The following RNF111 variants were observed in gnomAD, a reference collection of about 807,000 sequenced individuals.
RNF111 encodes the protein ring finger protein 111.
In RNF111, 17 loss-of-function variants were observed where a neutral mutation model predicts 95.1. The observed-to-expected ratio is 0.18, with a 90% confidence interval of 0.12 to 0.27. The LOEUF (loss-of-function observed/expected upper bound fraction) is 0.27, where lower values mean the gene tolerates loss of function less well. RNF111 is among the 10% of genes least tolerant of loss of function. The pLI is 1.00. For missense variants in RNF111, 1,189 were observed against 1,210.4 expected (o/e 0.98, Z 0.26); for synonymous variants, 440 against 414.8 (o/e 1.06, Z -0.74).
intron 2 of RNF111, among the ~76,000 whole-genome samples, chr15:59,037,943 A>G (rs1169366651): frequency 6.6e-6 from 1 of 152,238 alleles, no homozygotes; most frequent in East Asian, 1.9e-4. Flanking sequence ...CCATTTTACC[A>G]CTGAGGAGAA....
intron 5 of RNF111, among the ~76,000 whole-genome samples, chr15:59,059,235 A>G (rs1208749915): frequency 6.6e-6 from 1 of 152,254 alleles, no homozygotes; most frequent in East Asian, 1.9e-4. Flanking sequence ...AGTTATGCAA[A>G]TGACCAAGAA....
chr15:59,039,441 C>G (rs571563905), intron 2 of RNF111, among the ~76,000 whole-genome samples: 5 of 152,292 alleles, frequency 3.3e-5, no homozygotes, highest in African/African-American at 1.2e-4. Flanking sequence ...CTTAGTTGTT[C>G]TAGCAGCATC....
At chr15:59,038,416 C>T (rs1356269471) in intron 2 of RNF111, among the ~76,000 whole-genome samples, 1 of 152,088 alleles carries the variant, frequency 6.6e-6, no homozygotes, top group African/African-American at 2.4e-5. Context: ...ATTGTAGAGT[C>T]CCAGGATCAG....
chr15:59,033,453 A>G (rs2041016191), intron 2 of RNF111, among the ~76,000 whole-genome samples: 1 of 152,230 alleles, frequency 6.6e-6, no homozygotes, highest in Admixed American at 6.5e-5. Flanking sequence ...AGAGGAGTGT[A>G]GAATAACCAT....
chr15:59,007,398 T>G lies in RNF111; in HGVS notation c.-20+19330T>G, dbSNP rs562161584. On this transcript the variant is annotated intron_variant, in intron 1 of 13. Transcript: ENST00000348370. ...TGAGATTAATCCGTATTGATACATG[T>G]ATCAGTAGTTCCTTCTTTGTTGTTG... 3.4e-3 allele frequency among the ~76,000 whole-genome samples: 525 copies of G among 152,330 alleles called. 5 individuals are homozygous for G. Among genetic ancestry groups the G allele is most frequent in the Non-Finnish European group, 5.4e-3 (369 of 68,024 alleles).
intron 1 of RNF111, among the ~76,000 whole-genome samples, chr15:59,025,952 A>G (rs563459340): frequency 2.6e-5 from 4 of 151,078 alleles, no homozygotes; most frequent in African/African-American, 9.7e-5. Context: ...CTGGTCTCGA[A>G]CTCCCAACCT....
At chr15:59,046,694 A>G (rs2041726275) in intron 2 of RNF111, among the ~76,000 whole-genome samples, 1 of 152,210 alleles carries the variant, frequency 6.6e-6, no homozygotes, top group South Asian at 2.1e-4. Flanking sequence ...TGTCACCAAA[A>G]TCACAATCCA....
In RNF111 at chr15:59,031,008, T is replaced by A. The variant is rs749919129; in HGVS notation, c.186T>A (p.Asn62Lys). 5 of 1,614,222 alleles carry A rather than the reference T, an allele frequency of 3.1e-6. No homozygotes were observed. The Admixed American group carries it at 8.3e-5, about 27-fold the overall frequency. ...GVEMINSKVGNEFSHLCDDSQ... is the reference protein window; with the variant it reads ...GVEMINSKVGKEFSHLCDDSQ... ...AGATGATTAATAGTAAAGTGGGGAA[T>A]GAATTCTCTCACCTGTGTGATGATT... Residue 62 changes from asparagine (N) to lysine (K), a missense_variant, in exon 2 of 14, where the codon AAT becomes AAA. This residue lies in a region of RNF111 where 1,024 missense variants were observed against 925.9 expected (regional missense o/e 1.11). Transcript: ENST00000348370.
intron 2 of RNF111, among the ~76,000 whole-genome samples, chr15:59,039,065 A>G (rs985965531): frequency 1.3e-5 from 2 of 152,116 alleles, no homozygotes; most frequent in Admixed American, 6.6e-5. Flanking sequence ...CCCGTGTTCA[A>G]GTGATTCTCC....
chr15:58,998,172 G>T (rs1338131553), intron 1 of RNF111, among the ~76,000 whole-genome samples: 2 of 151,908 alleles, frequency 1.3e-5, no homozygotes, highest in African/African-American at 4.8e-5. Context: ...CAAAGTGCTG[G>T]GATTACAGGC....
At chr15:59,073,729 A>G (rs969948952) in intron 6 of RNF111, among the ~76,000 whole-genome samples, 11 of 152,196 alleles carry the variant, frequency 7.2e-5, no homozygotes, top group African/African-American at 1.7e-4. Context: ...ACTGCCTTCC[A>G]TGAACCACAA....
rs1286534242 is a variant in RNF111, at chr15:59,038,171, C to G, written c.880+6469C>G. 3.9e-5 allele frequency among the ~76,000 whole-genome samples: 6 copies of G among 152,268 alleles called. No individual in the cohort carries two copies. In the South Asian group the frequency reaches 1.0e-3, roughly 26 times the overall value. ...GCTAGAACCATTTTTTAAGTCATCACAATTTTTGAGAGCATAGGATCCTCA... is the reference window on the plus strand; with the variant it reads ...GCTAGAACCATTTTTTAAGTCATCAGAATTTTTGAGAGCATAGGATCCTCA... On this transcript the variant is annotated intron_variant, in intron 2 of 13. Transcript: ENST00000348370.
chr15:59,016,455 A>T (rs1005873771), intron 1 of RNF111, among the ~76,000 whole-genome samples: 1 of 152,122 alleles, frequency 6.6e-6, no homozygotes. Flanking sequence ...TCTTTCCATC[A>T]TCCTAAATTG....
At chr15:59,055,940 A>G (rs373794482) in intron 4 of RNF111, 95 bp downstream of exon 4, 50 of 925,370 alleles carry the variant, frequency 5.4e-5, no homozygotes, top group East Asian at 4.1e-4. Flanking sequence ...TACTGGTAAT[A>G]TATTATTAAA....
chr15:59,069,398 A>G (rs1241003782), intron 6 of RNF111, among the ~76,000 whole-genome samples: 1 of 152,192 alleles, frequency 6.6e-6, no homozygotes. Context: ...CTTTTCCTAC[A>G]TTCATTAAAG....
intron 3 of RNF111, among the ~76,000 whole-genome samples, chr15:59,053,564 GA>G: frequency 6.6e-6 from 1 of 152,138 alleles, no homozygotes; most frequent in Admixed American, 6.5e-5. Flanking sequence ...TAAAGGCATG[GA>G]AGTGAGCATT....
chr15:59,075,804 G>T, intron 6 of RNF111, 150 bp from the exon 7 acceptor site: 1 of 773,774 alleles, frequency 1.3e-6, no homozygotes, highest in Non-Finnish European at 2.0e-6. Context: ...TTTTGTTGGT[G>T]CTCACTGGTT....
intron 6 of RNF111, among the ~76,000 whole-genome samples, chr15:59,069,753 A>G (rs988225454): frequency 1.3e-5 from 2 of 152,128 alleles, no homozygotes; most frequent in East Asian, 3.9e-4. Context: ...AAATGCTCAT[A>G]AAATAGCTTC....
At chr15:59,059,761 C>T (rs892124489) in intron 5 of RNF111, among the ~76,000 whole-genome samples, 2 of 152,138 alleles carry the variant, frequency 1.3e-5, no homozygotes, top group Non-Finnish European at 2.9e-5. Flanking sequence ...GAGCCTTAAA[C>T]TAACTTTCTT....
Sources: gnomAD v4.1 joint callset for allele counts (sites outside exome capture counted in the v4.1 genomes callset) on GRCh38, gnomAD v4.1.1 for gene constraint, gnomAD v4.1.1 regional missense constraint, MANE v1.5 for transcripts, NCBI Gene and HGNC (gene_info 2026-07-23, HGNC 2026-07-21) for gene names.